Variants in DOCK8 observed in about 807,000 individuals in gnomAD.
The protein encoded by DOCK8 is dedicator of cytokinesis 8, also known as dedicator of cytokinesis protein 8.
In DOCK8, 141 loss-of-function variants were observed where a neutral mutation model predicts 245.6. The ratio of observed to expected loss-of-function variants is 0.57; its 90% confidence interval spans 0.50 to 0.66. The LOEUF is 0.66. Among genes scored for constraint, DOCK8 ranks in the 30% least tolerant of loss-of-function variants. The pLI, the probability that DOCK8 is intolerant of heterozygous loss-of-function variation, is 0.00. For missense variants in DOCK8, 2,965 were observed against 2,603.4 expected, an observed-to-expected ratio of 1.14 and a Z score of -3.02; for synonymous variants, 1,168 against 970.2, an observed-to-expected ratio of 1.20 and a Z score of -3.79.
At chr9:390,828 C>T (rs149014784) in intron 24 of DOCK8, among the ~76,000 whole-genome samples, 3 of 152,288 alleles carry the variant, frequency 2.0e-5, no homozygotes, top group South Asian at 2.1e-4. Context: ...ATGTGCCTCT[C>T]GCAGTGACAT....
intron 36 of DOCK8, 84 bp downstream of exon 36, chr9:429,938 A>C: frequency 6.6e-7 from 1 of 1,523,440 alleles, no homozygotes; most frequent in Non-Finnish European, 9.0e-7. Context: ...AAATAAGGAA[A>C]TTTTGCAGTA....
chr9:392,441 C>T (rs1220483098), intron 24 of DOCK8, among the ~76,000 whole-genome samples: 3 of 152,166 alleles, frequency 2.0e-5, no homozygotes, highest in African/African-American at 7.2e-5. Flanking sequence ...GTCCCAAATC[C>T]TTGCCACAGA....
intron 46 of DOCK8, among the ~76,000 whole-genome samples, chr9:461,473 T>C (rs1182239482): frequency 6.6e-6 from 1 of 151,810 alleles, no homozygotes; most frequent in Non-Finnish European, 1.5e-5. Flanking sequence ...TTATGTCTAG[T>C]CTATTATTTA....
intron 1 of DOCK8, among the ~76,000 whole-genome samples, chr9:251,347 G>C (rs1267814351): frequency 6.6e-6 from 1 of 151,988 alleles, no homozygotes; most frequent in Non-Finnish European, 1.5e-5. Context: ...GCTAACATGG[G>C]TATTTGGATG....
At position 399,172 on chromosome 9, in the gene DOCK8, C is replaced by T; in HGVS notation, c.3147C>T (p.Asn1049=). ...AAAATGAACAGGCGGAAAAGATGAA[C>T]ATCAGCCTGGCTTTCTTCTTGTATG... is the stretch of plus-strand genomic sequence containing the variant. ...QKENEQAEKM[N]ISLAFFLYDL... Residue 1049 remains asparagine (N), a synonymous_variant, in exon 26 of 48, where the codon AAC becomes AAT. Transcript: ENST00000432829. 6.2e-7 allele frequency: 1 copy of T among 1,613,996 alleles called. No individual in the cohort carries two copies. The highest frequency in any genetic ancestry group is 8.5e-7 in the Non-Finnish European group (1 of 1,179,990).
chr9:272,531 G>A (rs1047039748), intron 2 of DOCK8, among the ~76,000 whole-genome samples: 26 of 151,940 alleles, frequency 1.7e-4, no homozygotes, highest in African/African-American at 5.8e-4. Context: ...GACTACAGGC[G>A]CATGCCACCA....
intron 24 of DOCK8, among the ~76,000 whole-genome samples, chr9:395,936 T>A (rs2054432351): frequency 6.6e-6 from 1 of 152,186 alleles, no homozygotes; most frequent in Non-Finnish European, 1.5e-5. Flanking sequence ...TTCTGTCAGT[T>A]GACGAATTGT....
At chr9:247,379 T>G (rs139775165) in intron 1 of DOCK8, among the ~76,000 whole-genome samples, 20 of 152,356 alleles carry the variant, frequency 1.3e-4, no homozygotes, top group African/African-American at 4.8e-4. Flanking sequence ...TTGAATTTCC[T>G]AATCTTTTAA....
At chr9:250,173 G>A (rs981443328) in intron 1 of DOCK8, among the ~76,000 whole-genome samples, 6 of 152,178 alleles carry the variant, frequency 3.9e-5, no homozygotes, top group Admixed American at 1.3e-4. Flanking sequence ...TTCAAGATGC[G>A]AGGGCAAGAG....
At chr9:256,104 T>C (rs1563845175) in intron 1 of DOCK8, among the ~76,000 whole-genome samples, 1 of 152,230 alleles carries the variant, frequency 6.6e-6, no homozygotes, top group Non-Finnish European at 1.5e-5. Context: ...AGGGAACTTA[T>C]TTTATATCTA....
intron 24 of DOCK8, among the ~76,000 whole-genome samples, chr9:391,609 C>T (rs1231275760): frequency 6.6e-6 from 1 of 151,538 alleles, no homozygotes; most frequent in African/African-American, 2.4e-5. Flanking sequence ...AAGGATTTTC[C>T]CATAGAGGCA....
At chr9:409,598 A>G (rs949359988) in intron 28 of DOCK8, among the ~76,000 whole-genome samples, 2 of 151,974 alleles carry the variant, frequency 1.3e-5, no homozygotes, top group African/African-American at 2.4e-5. Context: ...TATTATTATC[A>G]TACTTTAAGT....
Position 441,942 on chromosome 9 carries a change from A to C in DOCK8, c.5423A>C (p.Asp1808Ala). The stretch of plus-strand genomic sequence containing the variant: ...TTTGGATCCAAATTTGGGGATTTGG[A>C]TGAACAGGAGTTTGTCTACAAAGAG... Reference protein sequence around the residue: ...GFFGSKFGDLDEQEFVYKEPA... With the variant: ...GFFGSKFGDLAEQEFVYKEPA... Residue 1808 changes from aspartate (D) to alanine (A), a missense_variant, in exon 42 of 48, where the codon GAT becomes GCT. Physicochemically the swap from Asp to Ala is moderately radical, Grantham distance 126 (BLOSUM62 -2). Transcript: ENST00000432829. 1.9e-6 allele frequency: 3 copies of C among 1,614,132 alleles called. No homozygotes were observed. Among genetic ancestry groups the C allele is most frequent in the Non-Finnish European group, 2.5e-6 (3 of 1,180,028 alleles).
chr9:446,277 G>A (rs921220397), intron 43 of DOCK8, 93 bp from the exon 44 acceptor site: 17 of 1,079,270 alleles, frequency 1.6e-5, no homozygotes, highest in African/African-American at 9.3e-5. Flanking sequence ...GGGCGGTGCC[G>A]GCACGCCGTG....
chr9:449,665 T>A, intron 44 of DOCK8, 119 bp from the exon 45 acceptor site: 2 of 1,294,798 alleles, frequency 1.5e-6, no homozygotes, highest in Non-Finnish European at 2.2e-6. Flanking sequence ...TAAATTACTC[T>A]GAAAGTCTTT....
rs16938432 is a variant in DOCK8, at chr9:414,698, G to A, written c.3531-84G>A. On this transcript the variant is annotated intron_variant, in intron 28 of 47. Coordinates refer to ENST00000432829, the MANE Select transcript of DOCK8 (RefSeq NM_203447.4). ...CACAGTCACCTCATTGCTTAGGAGC[G>A]TTTTCATCACTCTTGACTGTTTAAG... 5,595 of 1,557,468 alleles carry A rather than the reference G, an allele frequency of 3.6e-3. 176 individuals are homozygous for A. The African/African-American group carries it at 0.069, about 19-fold the overall frequency.
At chr9:411,653 C>T (rs901691609) in intron 28 of DOCK8, among the ~76,000 whole-genome samples, 7 of 152,060 alleles carry the variant, frequency 4.6e-5, no homozygotes, top group African/African-American at 7.2e-5. Flanking sequence ...GAGAAAACTA[C>T]AGGCCAGTAT....
chr9:406,051 A>T (rs1375548300), intron 27 of DOCK8, among the ~76,000 whole-genome samples: 1 of 152,180 alleles, frequency 6.6e-6, no homozygotes, highest in Non-Finnish European at 1.5e-5. Context: ...GACACTTTAG[A>T]TGCTCTTAAT....
At chr9:423,390 G>GC (rs2056356654) in intron 33 of DOCK8, among the ~76,000 whole-genome samples, 1 of 152,150 alleles carries the variant, frequency 6.6e-6, no homozygotes, top group Admixed American at 6.5e-5. Flanking sequence ...GGTTTGCTGA[G>GC]CAAAATGTCG....
Sources: gnomAD v4.1 joint callset for allele counts (sites outside exome capture counted in the v4.1 genomes callset) on GRCh38, gnomAD v4.1.1 for gene constraint, MANE v1.5 for transcripts, NCBI Gene and HGNC (gene_info 2026-07-23, HGNC 2026-07-21) for gene names.